The following IRGQ variants were observed in gnomAD, a reference collection of about 807,000 sequenced individuals.
IRGQ encodes the protein immunity related GTPase Q.
IRGQ carries 5 observed loss-of-function variants against 10.5 expected under a neutral mutation model. The observed-to-expected ratio is 0.48, with a 90% confidence interval of 0.25 to 1.00. The LOEUF is 1.00. Ranked by LOEUF, IRGQ falls within the 50% of genes least tolerant of loss-of-function variation. The probability of loss-of-function intolerance (pLI) is 0.16; values close to 1 mark genes in which losing one functional copy is unlikely to be tolerated. For synonymous variants in IRGQ, 418 were observed against 426.0 expected (o/e 0.98, Z 0.23); for missense variants, 792 against 877.7 (o/e 0.90, Z 1.23).
Position 43,593,014 on chromosome 19 carries a change from G to A in IRGQ, c.884C>T (p.Thr295Met), listed in dbSNP as rs538351506. The A allele has an allele frequency of 2.5e-6, 4 of 1,606,856 alleles. No individual in the cohort carries two copies. The highest frequency in any genetic ancestry group is 1.1e-5 in the South Asian group (1 of 91,046). ...ATTAAAASHP[T>M]HYDALILVTP... ...GACGAGGATGAGGGCGTCGTAGTGC[G>A]TTGGGTGAGAGGCGGCGGCCGCGGT... Residue 295 changes from threonine to methionine, a missense_variant, in exon 3 of 3, where the codon ACG (threonine) becomes ATG (methionine). By Grantham distance (81) the Thr-to-Met change is moderately conservative. Coordinates refer to ENST00000422989, the MANE Select transcript of IRGQ (RefSeq NM_001007561.3). The surrounding 1 kb of genome is among the most constrained non-coding windows in gnomAD (Gnocchi z 6.4).
chr19:43,592,964 C>A lies in IRGQ; in HGVS notation c.934G>T (p.Asp312Tyr). 2 of 1,609,512 alleles carry A rather than the reference C, an allele frequency of 1.2e-6. No individual in the cohort carries two copies. Among genetic ancestry groups the A allele is most frequent in the Non-Finnish European group, 8.5e-7 (1 of 1,179,950 alleles). ...LVTPGAPTEK[D>Y]WAQVQALLLP... ...AGCAAGGCCTGGACCTGGGCCCAGT[C>A]CTTCTCAGTGGGGGCCCCAGGGGTG... The change falls in exon 3 of 3, where the codon GAC (aspartate) becomes TAC (tyrosine). Residue 312 changes from aspartate (D) to tyrosine (Y), a missense_variant. By Grantham distance (160) the Asp-to-Tyr change is radical. Coordinates refer to ENST00000422989, the MANE Select transcript of IRGQ (RefSeq NM_001007561.3).
chr19:43,594,785 C>T, intron 2 of IRGQ, 24 bp downstream of exon 2: 1 of 1,576,684 alleles, frequency 6.3e-7, no homozygotes, highest in Non-Finnish European at 8.6e-7. Context: ...GACTAACGGA[C>T]CCAGCCAGAA....
At position 43,586,244 on chromosome 19, in the gene IRGQ, A is replaced by G. The variant is rs1972993429; in HGVS notation, c.*5782T>C. 1 of 152,178 alleles carries G rather than the reference A, an allele frequency of 6.6e-6. No individual in the cohort carries two copies. The highest frequency in any genetic ancestry group is 6.5e-5 in the Admixed American group (1 of 15,270). 9.4% of individuals were successfully genotyped at this position (152,178 alleles called of 1,614,324 possible). A position where few individuals can be genotyped will look rare whatever the true frequency, so the allele number is the denominator to read the frequency against. On this transcript the variant is annotated 3_prime_UTR_variant, in exon 3 of 3. Coordinates refer to ENST00000422989, the MANE Select transcript of IRGQ (RefSeq NM_001007561.3). Reference sequence around the variant, plus strand: ...AGTGGCGGCCAGTGATCTGTCTACAAGGGAGTCTTAGTCTTTTCTGCTTGG... The same window carrying G: ...AGTGGCGGCCAGTGATCTGTCTACAGGGGAGTCTTAGTCTTTTCTGCTTGG...
chr19:43,592,654 C>A lies in IRGQ; in HGVS notation c.1244G>T (p.Ser415Ile), dbSNP rs1468665825. Residue 415 changes from serine (S) to isoleucine (I), a missense_variant, in exon 3 of 3, where the codon AGC becomes ATC. By Grantham distance (142) the Ser-to-Ile change is moderately radical. Transcript: ENST00000422989. The stretch of plus-strand genomic sequence containing the variant: ...CACCTCCCACGTCTCGTCCTCCGGG[C>A]TTAACGCAGCGGCCCGCTCTGAGTC... The part of the protein sequence containing the change: ...GGDSERAAAL[S>I]PEDETWEVLE... 2 of 1,605,308 alleles carry A rather than the reference C, an allele frequency of 1.2e-6. No homozygotes were observed. Among genetic ancestry groups the A allele is most frequent in the African/African-American group, 1.3e-5 (1 of 75,058 alleles).
chr19:43,593,092 C>A lies in IRGQ; in HGVS notation c.806G>T (p.Arg269Leu), dbSNP rs761500651. 2 of 1,586,728 alleles carry A rather than the reference C, an allele frequency of 1.3e-6. No individual in the cohort carries two copies. Among genetic ancestry groups the A allele is most frequent in the Non-Finnish European group, 1.7e-6 (2 of 1,162,114 alleles). ...CACGGTCCAGAGCACCACATTCGGG[C>A]GCTCTGGGGCTGGGAAGGGAGTGGG... ...TAPTPFPAPE[R>L]PNVVLWTVPL... Residue 269 changes from arginine (R) to leucine (L), a missense_variant, in exon 3 of 3, where the codon CGC (arginine) becomes CTC (leucine). Transcript: ENST00000422989. The surrounding 1 kb of genome is among the most constrained non-coding windows in gnomAD (Gnocchi z 6.4).
At chr19:43,595,601 T>A (rs1225764065) in intron 1 of IRGQ, 2 of 356,460 alleles carry the variant, frequency 5.6e-6, no homozygotes, top group Non-Finnish European at 1.0e-5. Flanking sequence ...CGGTGGCTCA[T>A]GCCTGTAATC....
rs1973094018 is a variant in IRGQ at position 43,593,858 on chromosome 19, T to C, written c.531-491A>G. 6.6e-6 allele frequency among the ~76,000 whole-genome samples: 1 copy of C among 152,268 alleles called. No individual in the cohort carries two copies. The highest frequency in any genetic ancestry group is 1.9e-4 in the East Asian group (1 of 5,178). On this transcript the variant is annotated intron_variant, in intron 2 of 2. Coordinates refer to ENST00000422989, the MANE Select transcript of IRGQ (RefSeq NM_001007561.3). The surrounding 1 kb of genome is among the most constrained non-coding windows in gnomAD (Gnocchi z 6.4). ...GGTCAGTGAGGGGAGAAATCTCATCTACCAGTTCTTACCAAGGGGGAGTGG... is the reference window on the plus strand; with the variant it reads ...GGTCAGTGAGGGGAGAAATCTCATCCACCAGTTCTTACCAAGGGGGAGTGG...
At chr19:43,594,604 C>A (rs1196235089) in intron 2 of IRGQ, among the ~76,000 whole-genome samples, 1 of 151,954 alleles carries the variant, frequency 6.6e-6, no homozygotes, top group African/African-American at 2.4e-5. Context: ...GAGGCTGAGG[C>A]GGGAGTATTG....
rs1205451919 is a variant in IRGQ at position 43,586,564 on chromosome 19, T to C, written c.*5462A>G. 6 of 152,282 alleles carry C rather than the reference T, an allele frequency of 3.9e-5. No homozygotes were observed. The highest frequency in any genetic ancestry group is 2.1e-4 in the South Asian group (1 of 4,826). 9.4% of individuals were successfully genotyped at this position (152,282 alleles called of 1,614,324 possible). ...AGGAAATTGAGAGGAGCAAAGCATA[T>C]AGCAGTGATGTCAGACAGGACCAAA... On this transcript the variant is annotated 3_prime_UTR_variant, in exon 3 of 3. Transcript: ENST00000422989.
At position 43,592,982 on chromosome 19, in the gene IRGQ, CA is replaced by C. The variant is rs755081853; in HGVS notation, c.915del (p.Ala307ProfsTer48). ...GCCCAGTCCTTCTCAGTGGGGGCCCCAGGGGTGACGAGGATGAGGGCGTCGT... is the reference window on the plus strand; with the variant it reads ...GCCCAGTCCTTCTCAGTGGGGGCCCCGGGGTGACGAGGATGAGGGCGTCGT... The part of the protein sequence containing the change: ...THYDALILVT[P>X]GAPTEKDWAQ... On this transcript the variant is annotated frameshift_variant, in exon 3 of 3. Transcript: ENST00000422989. LOFTEE classifies it low-confidence loss of function (END_TRUNC). 1.7e-5 allele frequency: 28 copies of C among 1,608,898 alleles called. No individual in the cohort carries two copies. The highest frequency in any genetic ancestry group is 8.5e-7 in the Non-Finnish European group (1 of 1,179,772).
chr19:43,593,138 G>A lies in IRGQ; in HGVS notation c.760C>T (p.Pro254Ser). 1 of 1,560,486 alleles carries A rather than the reference G, an allele frequency of 6.4e-7. No individual in the cohort carries two copies. The highest frequency in any genetic ancestry group is 1.4e-5 in the African/African-American group (1 of 73,556). ...GLDPGDPGAA[P>S]ASVPTAPTPF... ...GTGGGTGCTGTGGGGACCGAAGCAG[G>A]CGCAGCGCCTGGGTCGCCAGGATCC... is the stretch of plus-strand genomic sequence containing the variant. Residue 254 changes from proline (P) to serine (S), a missense_variant, in exon 3 of 3, where the codon CCT becomes TCT. By Grantham distance (74) the Pro-to-Ser change is moderately conservative. Coordinates refer to ENST00000422989, the MANE Select transcript of IRGQ (RefSeq NM_001007561.3). This position sits in a 1 kb window ranked among gnomAD's most constrained non-coding sequence, Gnocchi z 6.4.
chr19:43,595,809 T>G (rs997363534), intron 1 of IRGQ, among the ~76,000 whole-genome samples, 173 bp downstream of exon 1: 2 of 152,124 alleles, frequency 1.3e-5, no homozygotes, highest in Non-Finnish European at 2.9e-5. Flanking sequence ...GCCCAGGACT[T>G]GGAGGCTGCA....
rs769117567 is a variant in IRGQ at position 43,593,286 on chromosome 19, G to T, written c.612C>A (p.Gly204=). ...CCCACGACAGCGCAGCCTCAAGGCC[G>T]CCGGTCTCAAAGGCCTCACGCACAG... The part of the protein sequence containing the change: ...LEAVREAFET[G]GLEAALSWVR... The change falls in exon 3 of 3, where the codon GGC becomes GGA. Residue 204 remains glycine (G), a synonymous_variant. Transcript: ENST00000422989. This position sits in a 1 kb window ranked among gnomAD's most constrained non-coding sequence, Gnocchi z 6.4. 1 of 1,590,822 alleles carries T rather than the reference G, an allele frequency of 6.3e-7. No homozygotes were observed. The highest frequency in any genetic ancestry group is 1.3e-5 in the African/African-American group (1 of 74,220).
At chr19:43,595,376 G>C in intron 1 of IRGQ, 36 bp from the exon 2 acceptor site, 1 of 1,506,906 alleles carries the variant, frequency 6.6e-7, no homozygotes, top group Non-Finnish European at 8.8e-7. Flanking sequence ...CTGGGTCAGG[G>C]AGCACCTAGC....
rs368830575 is a variant in IRGQ at position 43,592,556 on chromosome 19, G to A, written c.1342C>T (p.Arg448Ter). The A allele has an allele frequency of 1.3e-6, 2 of 1,597,314 alleles. No individual in the cohort carries two copies. Among genetic ancestry groups the A allele is most frequent in the African/African-American group, 1.3e-5 (1 of 74,988 alleles). Residue 448 changes from arginine (R) to a stop codon, truncating the protein, a stop_gained, in exon 3 of 3, where the codon CGA (arginine) becomes TGA (stop). Coordinates refer to ENST00000422989, the MANE Select transcript of IRGQ (RefSeq NM_001007561.3). LOFTEE classifies it high-confidence loss of function. The stretch of plus-strand genomic sequence containing the variant: ...CCTGCCTGGGCTGGGGGGAGCGCTC[G>A]CCGCAGCCATTCGCATAGCCCTGGG... ...GLPGLCEWLR[R>*]ALPPAQAGAL...
In IRGQ at chr19:43,595,354, G is replaced by A; in HGVS notation, c.-2-14C>T. The A allele has an allele frequency of 6.6e-7, 1 of 1,524,964 alleles. No homozygotes were observed. Among genetic ancestry groups the A allele is most frequent in the Non-Finnish European group, 8.8e-7 (1 of 1,142,048 alleles). The allele number at this position is 1,524,964 out of a possible 1,614,324, so 94.5% of individuals were successfully genotyped here. Reference sequence around the variant, plus strand: ...GCGGAGGCATGGCTGGAAAGCAACGGGTAGAGAAGACCTGGGTCAGGGAGC... The same window carrying A: ...GCGGAGGCATGGCTGGAAAGCAACGAGTAGAGAAGACCTGGGTCAGGGAGC... On this transcript the variant is annotated splice_polypyrimidine_tract_variant and intron_variant, in intron 1 of 2. Transcript: ENST00000422989.
In IRGQ at chr19:43,590,974, G is replaced by T; in HGVS notation, c.*1052C>A. ...CTACTCCCAGAGCCCACCATGCCCAGACCTCTTACCCACCTCACCTCATTT... is the reference window on the plus strand; with the variant it reads ...CTACTCCCAGAGCCCACCATGCCCATACCTCTTACCCACCTCACCTCATTT... On this transcript the variant is annotated 3_prime_UTR_variant, in exon 3 of 3. Transcript: ENST00000422989. 1 of 152,390 alleles carries T rather than the reference G, an allele frequency of 6.6e-6. No individual in the cohort carries two copies. The highest frequency in any genetic ancestry group is 1.5e-5 in the Non-Finnish European group (1 of 68,156). The allele number at this position is 152,390 out of a possible 1,614,324, so 9.4% of individuals were successfully genotyped here.
rs964149454 is a variant in IRGQ, at chr19:43,585,243, TG to T, written c.*6782del. On this transcript the variant is annotated 3_prime_UTR_variant, in exon 3 of 3. Transcript: ENST00000422989. ...AGGAAGTCCCAGTGCATAAGCACTT[TG>T]GTTTTTTTTTTTTGAGAGAAGTCTC... is the stretch of plus-strand genomic sequence containing the variant. 37 of 151,300 alleles carry T rather than the reference TG, an allele frequency of 2.4e-4. No homozygotes were observed. Among genetic ancestry groups the T allele is most frequent in the African/African-American group, 8.2e-4 (34 of 41,244 alleles). The allele number at this position is 151,300 out of a possible 1,614,324, so 9.4% of individuals were successfully genotyped here. A position where few individuals can be genotyped will look rare whatever the true frequency, so the allele number is the denominator to read the frequency against.
rs1276508981 is a variant in IRGQ at position 43,590,287 on chromosome 19, G to A, written c.*1739C>T. On this transcript the variant is annotated 3_prime_UTR_variant, in exon 3 of 3. Transcript: ENST00000422989. ...GAATAGGCAAGGGCCAGACCCACAG[G>A]GCCTTACTGTGTGCTGTTGGGCCTC... 6.6e-6 allele frequency: 1 copy of A among 152,218 alleles called. No homozygotes were observed. The highest frequency in any genetic ancestry group is 1.5e-5 in the Non-Finnish European group (1 of 68,060). 9.4% of individuals were successfully genotyped at this position (152,218 alleles called of 1,614,324 possible). A position where few individuals can be genotyped will look rare whatever the true frequency, so the allele number is the denominator to read the frequency against.
Sources: allele counts gnomAD v4.1 joint callset (sites outside exome capture counted in the v4.1 genomes callset), GRCh38; gene constraint gnomAD v4.1.1; non-coding constraint Gnocchi (gnomAD v3.1); transcripts MANE v1.5; gene names NCBI Gene and HGNC (gene_info 2026-07-23, HGNC 2026-07-21).